Variants in GPC6 observed in about 807,000 individuals in gnomAD.
GPC6 encodes the protein glypican 6.
GPC6 carries 14 observed loss-of-function variants against 55.2 expected under a neutral mutation model. The observed-to-expected ratio is 0.25, with a 90% confidence interval of 0.17 to 0.40. The LOEUF (loss-of-function observed/expected upper bound fraction) is 0.40. Ranked by LOEUF, GPC6 falls within the 10% of genes least tolerant of loss-of-function variation. GPC6 has a pLI of 1.00. For synonymous variants in GPC6, 278 were observed against 259.6 expected (o/e 1.07, Z -0.68); for missense variants, 641 against 708.5 (o/e 0.90, Z 1.08).
At chr13:93,441,683 A>G (rs1020452887) in intron 1 of GPC6, among the ~76,000 whole-genome samples, 25 of 151,970 alleles carry the variant, frequency 1.6e-4, no homozygotes, top group Non-Finnish European at 5.9e-5. Flanking sequence ...GTTGTGCAAA[A>G]GCTCTTTAGT....
At chr13:94,359,020 C>A (rs765562740) in intron 6 of GPC6, among the ~76,000 whole-genome samples, 1 of 152,172 alleles carries the variant, frequency 6.6e-6, no homozygotes, top group Non-Finnish European at 1.5e-5. Flanking sequence ...TGAAGTTTGT[C>A]CTTTCCTCTC....
intron 1 of GPC6, among the ~76,000 whole-genome samples, chr13:93,417,055 T>G (rs1476222629): frequency 6.6e-6 from 1 of 152,152 alleles, no homozygotes; most frequent in Non-Finnish European, 1.5e-5. Flanking sequence ...CCAAATTCCA[T>G]TGCTCTGTTT....
At chr13:93,961,177 A>G (rs1879758790) in intron 3 of GPC6, among the ~76,000 whole-genome samples, 1 of 152,206 alleles carries the variant, frequency 6.6e-6, no homozygotes, top group Non-Finnish European at 1.5e-5. Flanking sequence ...GGGTGTCACT[A>G]GATGCCATTT....
At chr13:94,268,111 C>T (rs1431472497) in intron 4 of GPC6, among the ~76,000 whole-genome samples, 1 of 152,192 alleles carries the variant, frequency 6.6e-6, no homozygotes, top group Non-Finnish European at 1.5e-5. Flanking sequence ...GCACATCTGC[C>T]ACCTTGCTAA....
chr13:93,406,585 CTA>C (rs2139239035), intron 1 of GPC6, among the ~76,000 whole-genome samples: 1 of 152,264 alleles, frequency 6.6e-6, no homozygotes, highest in South Asian at 2.1e-4. Flanking sequence ...TTTTAGTAGA[CTA>C]ACATAAACCA....
chr13:93,915,688 C>G (rs1264875037), intron 3 of GPC6, among the ~76,000 whole-genome samples: 2 of 152,200 alleles, frequency 1.3e-5, no homozygotes, highest in South Asian at 4.2e-4. Context: ...AATGTTTCTT[C>G]CTGTTTTGTC....
chr13:93,333,896 T>G (rs1251295311), intron 1 of GPC6, among the ~76,000 whole-genome samples: 1 of 152,214 alleles, frequency 6.6e-6, no homozygotes, highest in Non-Finnish European at 1.5e-5. Flanking sequence ...ACTGAATTTA[T>G]CAGTTCTATC....
chr13:93,503,133 G>T (rs1453313861), intron 1 of GPC6, among the ~76,000 whole-genome samples: 1 of 151,952 alleles, frequency 6.6e-6, no homozygotes, highest in Non-Finnish European at 1.5e-5. Flanking sequence ...TATCATTTAG[G>T]ACTACTAGTT....
At chr13:93,438,402 C>A (rs151201195) in intron 1 of GPC6, among the ~76,000 whole-genome samples, 2 of 152,252 alleles carry the variant, frequency 1.3e-5, no homozygotes, top group East Asian at 3.9e-4. Flanking sequence ...ATTCTAGGTT[C>A]CGTTAAGAAC....
Position 94,175,141 on chromosome 13 carries a change from C to T in GPC6, c.878-111208C>T, listed in dbSNP as rs189104994. Among the ~76,000 whole-genome samples, 444 of 152,186 alleles carry T rather than the reference C, an allele frequency of 2.9e-3. 3 individuals carry two copies. Among genetic ancestry groups the T allele is most frequent in the African/African-American group, 0.01 (428 of 41,518 alleles). ...GGCTTCTTTCACTCAACATCATATC[C>T]ATGAGATTCATCTCATGTTCTTGCC... On this transcript the variant is annotated intron_variant, in intron 4 of 8. Coordinates refer to ENST00000377047, the MANE Select transcript of GPC6 (RefSeq NM_005708.5).
At chr13:93,309,587 A>G (rs890908991) in intron 1 of GPC6, among the ~76,000 whole-genome samples, 1 of 152,216 alleles carries the variant, frequency 6.6e-6, no homozygotes, top group Non-Finnish European at 1.5e-5. Flanking sequence ...AGTTTAAAGT[A>G]TATACACTTT....
intron 3 of GPC6, among the ~76,000 whole-genome samples, chr13:93,876,286 G>A (rs957993139): frequency 7.2e-5 from 11 of 151,856 alleles, no homozygotes; most frequent in African/African-American, 2.7e-4. Context: ...CACAAAAAAT[G>A]ACTATAAACT....
chr13:93,471,507 C>T (rs1319316298), intron 1 of GPC6, among the ~76,000 whole-genome samples: 4 of 151,964 alleles, frequency 2.6e-5, no homozygotes, highest in African/African-American at 4.8e-5. Flanking sequence ...GGCGACAGAG[C>T]GAGACTCCAT....
intron 1 of GPC6, among the ~76,000 whole-genome samples, chr13:93,410,340 A>C (rs1391286028): frequency 6.6e-6 from 1 of 152,196 alleles, no homozygotes; most frequent in African/African-American, 2.4e-5. Context: ...GTATTCATTT[A>C]TCATTATTTA....
chr13:94,323,001 A>G (rs549578197), intron 6 of GPC6, among the ~76,000 whole-genome samples: 1 of 152,214 alleles, frequency 6.6e-6, no homozygotes, highest in Non-Finnish European at 1.5e-5. Context: ...TCCCTGCCTC[A>G]GACAGACAGG....
At chr13:93,256,685 A>T (rs1876964429) in intron 1 of GPC6, among the ~76,000 whole-genome samples, 1 of 152,196 alleles carries the variant, frequency 6.6e-6, no homozygotes, top group Non-Finnish European at 1.5e-5. Flanking sequence ...GTTCTCTGTT[A>T]TGAAAAATAC....
rs564995426 is a variant in GPC6, at chr13:93,325,415, A to G, written c.160+97799A>G. The stretch of plus-strand genomic sequence containing the variant: ...GGATTTAATTTATCCCACCTTGGTT[A>G]GGAATTCAGATGGTAGCAATGGGTA... On this transcript the variant is annotated intron_variant, in intron 1 of 8. Coordinates refer to ENST00000377047, the MANE Select transcript of GPC6 (RefSeq NM_005708.5). 3.3e-5 allele frequency among the ~76,000 whole-genome samples: 5 copies of G among 152,314 alleles called. No homozygotes were observed. In the South Asian group the frequency reaches 1.0e-3, roughly 32 times the overall value.
intron 2 of GPC6, among the ~76,000 whole-genome samples, chr13:93,772,143 G>T (rs1269441350): frequency 6.6e-6 from 1 of 152,134 alleles, no homozygotes; most frequent in Admixed American, 6.6e-5. Flanking sequence ...AACAAAAATA[G>T]TAATAAAATG....
At chr13:94,051,524 T>C (rs975651383) in intron 4 of GPC6, among the ~76,000 whole-genome samples, 1 of 152,186 alleles carries the variant, frequency 6.6e-6, no homozygotes, top group Non-Finnish European at 1.5e-5. Flanking sequence ...TGCAGAGCAC[T>C]TTACGAGAGT....
Sources: gnomAD v4.1 joint callset for allele counts (sites outside exome capture counted in the v4.1 genomes callset) on GRCh38, gnomAD v4.1.1 for gene constraint, MANE v1.5 for transcripts, NCBI Gene and HGNC (gene_info 2026-07-23, HGNC 2026-07-21) for gene names.